CD99L2: variants seen among roughly 807,000 people sequenced by gnomAD.
The protein encoded by CD99L2 is CD99 molecule like 2.
CD99L2 carries 24 observed loss-of-function variants against 27.3 expected under a neutral mutation model. The ratio of observed to expected loss-of-function variants is 0.88; its 90% CI spans 0.64 to 1.24. The LOEUF (loss-of-function observed/expected upper bound fraction) is 1.24. Among genes scored for constraint, CD99L2 ranks in the 50% most tolerant of loss-of-function variants. The probability of loss-of-function intolerance (pLI) is 0.00; values close to 1 mark genes in which losing one functional copy is unlikely to be tolerated. For synonymous variants in CD99L2, 97 were observed against 87.9 expected, an observed-to-expected ratio of 1.10 and a Z score of -0.58; for missense variants, 255 against 221.6, an observed-to-expected ratio of 1.15 and a Z score of -0.96.
At chrX:150,805,739 G>C (rs782523791) in intron 4 of CD99L2, among the ~76,000 whole-genome samples, 1 of 111,493 alleles carries the variant, frequency 9.0e-6, no homozygotes, top group South Asian at 3.8e-4. Context: ...TGATATATAC[G>C]GTGACTCGGA....
At chrX:150,827,485 G>A (rs1414064791) in intron 2 of CD99L2, among the ~76,000 whole-genome samples, 4 of 111,625 alleles carry the variant, frequency 3.6e-5, no homozygotes, top group Admixed American at 1.9e-4. Flanking sequence ...AGTCCCTGTC[G>A]ATTGGAGGTA....
chrX:150,837,271 C>T (rs1298425575), intron 1 of CD99L2, among the ~76,000 whole-genome samples: 13 of 107,800 alleles, frequency 1.2e-4, no homozygotes, highest in African/African-American at 3.4e-4. Flanking sequence ...TTTTTTGAGA[C>T]GGAGCTTTGT....
At chrX:150,784,174 C>T (rs1346254349) in intron 7 of CD99L2, among the ~76,000 whole-genome samples, 2 of 110,640 alleles carry the variant, frequency 1.8e-5, no homozygotes, top group African/African-American at 6.6e-5. Flanking sequence ...TGCCCTTGCC[C>T]CCATTTGGTT....
At chrX:150,829,189 C>T (rs116080172) in intron 2 of CD99L2, 11,939 of 138,301 alleles carry the variant, frequency 0.086, 483 homozygotes, top group African/African-American at 0.15. Flanking sequence ...TATATATATG[C>T]GCACATATAT....
intron 4 of CD99L2, among the ~76,000 whole-genome samples, chrX:150,810,964 G>A (rs2046063462): frequency 8.9e-6 from 1 of 111,880 alleles, no homozygotes; most frequent in South Asian, 3.8e-4. Context: ...CACTTTGGGA[G>A]GCTGAGGCAG....
chrX:150,882,034 T>C lies in CD99L2; in HGVS notation c.67+16488A>G, dbSNP rs1417558117. Among the ~76,000 whole-genome samples, 9 of 110,410 alleles carry C rather than the reference T, an allele frequency of 8.2e-5. No homozygotes were observed. In the Admixed American group the frequency reaches 8.6e-4, roughly 11 times the overall value. On this transcript the variant is annotated intron_variant, in intron 1 of 10. Transcript: ENST00000370377. ...GGTTTCACCATGTTGGCCAGGATGG[T>C]CTCGATCTCTTGACCTTGTGATCCG... is the stretch of plus-strand genomic sequence containing the variant.
At chrX:150,843,289 G>A (rs2046649569) in intron 1 of CD99L2, among the ~76,000 whole-genome samples, 1 of 111,778 alleles carries the variant, frequency 8.9e-6, no homozygotes, top group South Asian at 3.7e-4. Flanking sequence ...GGGAAGATGG[G>A]CCAGTATAAA....
At chrX:150,862,040 T>G (rs11798392) in intron 1 of CD99L2, among the ~76,000 whole-genome samples, 31 of 111,076 alleles carry the variant, frequency 2.8e-4, no homozygotes, top group African/African-American at 9.5e-4. Context: ...AGAAGCTGAA[T>G]CCCAATAACA....
intron 4 of CD99L2, among the ~76,000 whole-genome samples, chrX:150,803,745 C>T (rs2045953890): frequency 1.8e-5 from 2 of 111,627 alleles, no homozygotes; most frequent in South Asian, 7.5e-4. Flanking sequence ...CAACCTAATC[C>T]TCACACCTTA....
At chrX:150,824,534 A>G (rs782381213) in intron 2 of CD99L2, among the ~76,000 whole-genome samples, 3 of 93,960 alleles carry the variant, frequency 3.2e-5, no homozygotes, top group East Asian at 7.4e-4. Flanking sequence ...AAAGAAGAAG[A>G]AAGAAGGAAG....
At chrX:150,813,634 C>T (rs2046106177) in intron 4 of CD99L2, among the ~76,000 whole-genome samples, 1 of 111,578 alleles carries the variant, frequency 9.0e-6, no homozygotes, top group Non-Finnish European at 1.9e-5. Flanking sequence ...AGAGCACGAC[C>T]TTTTAATATT....
intron 1 of CD99L2, among the ~76,000 whole-genome samples, chrX:150,853,209 T>C (rs1557421653): frequency 1.8e-5 from 2 of 111,823 alleles, no homozygotes; most frequent in African/African-American, 6.5e-5. Flanking sequence ...GCAAGTGAAA[T>C]GATACGTGTA....
At chrX:150,875,663 T>C (rs1281830836) in intron 1 of CD99L2, among the ~76,000 whole-genome samples, 1 of 112,087 alleles carries the variant, frequency 8.9e-6, no homozygotes, top group African/African-American at 3.2e-5. Flanking sequence ...CCAAATCTCA[T>C]CTTGAATTCC....
At chrX:150,769,710 C>G (rs1557418928) in intron 10 of CD99L2, among the ~76,000 whole-genome samples, 3 of 106,147 alleles carry the variant, frequency 2.8e-5, no homozygotes, top group Non-Finnish European at 5.6e-5. Flanking sequence ...TCCCCGACCC[C>G]AGCAAGCCTT....
intron 1 of CD99L2, among the ~76,000 whole-genome samples, chrX:150,892,545 G>A (rs2047532264): frequency 1.1e-5 from 1 of 93,501 alleles, no homozygotes; most frequent in African/African-American, 4.2e-5. Context: ...GGCGGAGCTT[G>A]CAGTGAGCCG....
At chrX:150,870,092 C>A (rs1451463516) in intron 1 of CD99L2, among the ~76,000 whole-genome samples, 1 of 111,706 alleles carries the variant, frequency 9.0e-6, no homozygotes, top group African/African-American at 3.3e-5. Flanking sequence ...AACAGCCTGC[C>A]AGGAAACATA....
intron 1 of CD99L2, among the ~76,000 whole-genome samples, chrX:150,841,249 T>C (rs781992881): frequency 9.0e-6 from 1 of 111,370 alleles, no homozygotes; most frequent in Non-Finnish European, 1.9e-5. Flanking sequence ...ATGCAAGAGA[T>C]CTCCACAATA....
rs193138527 is a variant in CD99L2, at chrX:150,881,156, C to T, written c.67+17366G>A. On this transcript the variant is annotated intron_variant, in intron 1 of 10. Coordinates refer to ENST00000370377, the MANE Select transcript of CD99L2 (RefSeq NM_031462.4). The stretch of plus-strand genomic sequence containing the variant: ...TGCCCTTGGTCCCTTGACCTCCTTC[C>T]TCCTCTCCAGTGTCCTTCATGCTCT... 7.6e-3 allele frequency among the ~76,000 whole-genome samples: 848 copies of T among 111,157 alleles called. 6 individuals carry two copies. Among genetic ancestry groups the T allele is most frequent in the African/African-American group, 0.026 (787 of 30,526 alleles).
intron 1 of CD99L2, among the ~76,000 whole-genome samples, chrX:150,896,004 C>T (rs2047600590): frequency 1.1e-5 from 1 of 88,281 alleles, no homozygotes; most frequent in Non-Finnish European, 2.1e-5. Context: ...CTAGTCTGGG[C>T]GACATAGCAA....
Sources: gnomAD v4.1 joint callset for allele counts (sites outside exome capture counted in the v4.1 genomes callset) on GRCh38, gnomAD v4.1.1 for gene constraint, MANE v1.5 for transcripts, NCBI Gene and HGNC (gene_info 2026-07-23, HGNC 2026-07-21) for gene names.